The following MARCHF1 variants were observed in gnomAD, a reference collection of about 807,000 sequenced individuals.
MARCHF1 encodes E3 ubiquitin-protein ligase MARCHF1.
A neutral mutation model predicts 54.2 loss-of-function variants in MARCHF1; 40 were observed. The observed-to-expected ratio is 0.74, with a 90% CI of 0.57 to 0.96. MARCHF1 has a LOEUF of 0.96. Ranked by LOEUF, MARCHF1 falls within the 40% of genes least tolerant of loss-of-function variation. The pLI is 0.00. For synonymous variants in MARCHF1, 236 were observed against 236.3 expected, an observed-to-expected ratio of 1.00 and a Z score of 0.01; for missense variants, 586 against 656.5, an observed-to-expected ratio of 0.89 and a Z score of 1.17.
intron 2 of MARCHF1, among the ~76,000 whole-genome samples, chr4:164,024,154 T>A (rs888053884): frequency 6.6e-6 from 1 of 152,128 alleles, no homozygotes; most frequent in African/African-American, 2.4e-5. Flanking sequence ...AGCAACTTTT[T>A]AAATATTTTG....
At chr4:163,695,244 T>A (rs1744583276) in intron 5 of MARCHF1, among the ~76,000 whole-genome samples, 3 of 152,144 alleles carry the variant, frequency 2.0e-5, no homozygotes, top group African/African-American at 7.2e-5. Flanking sequence ...CTTTGGGATC[T>A]TAAAGGCAAG....
chr4:163,785,326 T>C lies in MARCHF1; in HGVS notation c.111+68695A>G, dbSNP rs553577267. 2.0e-5 allele frequency among the ~76,000 whole-genome samples: 3 copies of C among 152,270 alleles called. No individual in the cohort carries two copies. In the East Asian group the frequency reaches 5.8e-4, roughly 29 times the overall value. On this transcript the variant is annotated intron_variant, in intron 4 of 9. Coordinates refer to ENST00000514618, the MANE Select transcript of MARCHF1 (RefSeq NM_001394959.1). ...TTTTCTCCATTGTTTTTCATACCAA[T>C]GTCCACAGTTCACTCATCCATTTGT...
chr4:164,219,426 G>A (rs1345551362), intron 1 of MARCHF1, among the ~76,000 whole-genome samples: 1 of 152,034 alleles, frequency 6.6e-6, no homozygotes, highest in African/African-American at 2.4e-5. Context: ...TCAAAGTAGT[G>A]ATATATGATA....
intron 4 of MARCHF1, among the ~76,000 whole-genome samples, chr4:163,792,451 TTGC>T (rs1747797410): frequency 6.6e-6 from 1 of 152,134 alleles, no homozygotes; most frequent in Non-Finnish European, 1.5e-5. Flanking sequence ...CAACAAATAC[TTGC>T]TGATCTTCAT....
chr4:163,817,735 A>T (rs892769728), intron 4 of MARCHF1, among the ~76,000 whole-genome samples: 2 of 151,978 alleles, frequency 1.3e-5, no homozygotes, highest in African/African-American at 4.8e-5. Context: ...TTTGAAAGCC[A>T]CTTAAGAAAA....
chr4:164,133,141 G>A (rs2110825535), intron 1 of MARCHF1, among the ~76,000 whole-genome samples: 1 of 152,280 alleles, frequency 6.6e-6, no homozygotes, highest in South Asian at 2.1e-4. Context: ...CAGACAAAAT[G>A]TGGCTCAGTC....
chr4:164,202,733 T>C (rs1482472804), intron 1 of MARCHF1, among the ~76,000 whole-genome samples: 1 of 152,198 alleles, frequency 6.6e-6, no homozygotes, highest in Non-Finnish European at 1.5e-5. Context: ...ATCTACACAA[T>C]GGTAGTCATA....
chr4:163,986,425 C>T (rs375653640), intron 3 of MARCHF1, among the ~76,000 whole-genome samples: 3 of 151,670 alleles, frequency 2.0e-5, no homozygotes, highest in East Asian at 2.0e-4. Context: ...CCACCACACC[C>T]GGCTAATTTT....
chr4:163,649,420 A>G (rs1742883806), intron 5 of MARCHF1, among the ~76,000 whole-genome samples: 1 of 152,032 alleles, frequency 6.6e-6, no homozygotes, highest in Non-Finnish European at 1.5e-5. Flanking sequence ...GGCTATTGGG[A>G]AAAATAATCG....
At chr4:164,257,450 A>G (rs184353465) in intron 1 of MARCHF1, among the ~76,000 whole-genome samples, 1 of 151,534 alleles carries the variant, frequency 6.6e-6, no homozygotes, top group Admixed American at 6.6e-5. Context: ...TAGTATGATA[A>G]ATCGTCAGTT....
chr4:164,063,998 C>G (rs1754674935), intron 2 of MARCHF1, among the ~76,000 whole-genome samples: 1 of 152,150 alleles, frequency 6.6e-6, no homozygotes, highest in South Asian at 2.1e-4. Flanking sequence ...CATGAGTTCT[C>G]TGTTCTGTTC....
At chr4:163,936,868 C>T (rs1020397538) in intron 3 of MARCHF1, among the ~76,000 whole-genome samples, 8 of 152,164 alleles carry the variant, frequency 5.3e-5, no homozygotes, top group Non-Finnish European at 2.9e-5. Flanking sequence ...TCAGGCTCAG[C>T]CTCTCCAAGA....
intron 3 of MARCHF1, 88 bp from the exon 4 acceptor site, chr4:163,854,257 T>A: frequency 9.8e-7 from 1 of 1,021,888 alleles, no homozygotes; most frequent in Non-Finnish European, 1.4e-6. Context: ...ATCAACAATA[T>A]AACAAAACAC....
rs150458467 is a variant in MARCHF1 at position 163,599,297 on chromosome 4, T to TTATATATATATATATATATA, written c.1010+12973_1010+12974insTATATATATATATATATATA. On this transcript the variant is annotated intron_variant, in intron 7 of 9. Coordinates refer to ENST00000514618, the MANE Select transcript of MARCHF1 (RefSeq NM_001394959.1). ...AGAGTGAGACTCCATCTCAAAAAAA[T>TTATATATATATATATATATA]TATATATATATATATGTTTTATTTT... Among the ~76,000 whole-genome samples, 687 of 146,666 alleles carry TTATATATATATATATATATA rather than the reference T, an allele frequency of 4.7e-3. 10 individuals are homozygous for TTATATATATATATATATATA. Among genetic ancestry groups the TTATATATATATATATATATA allele is most frequent in the African/African-American group, 0.017 (657 of 39,424 alleles).
At chr4:163,992,753 TA>T (rs1419039781) in intron 2 of MARCHF1, among the ~76,000 whole-genome samples, 1 of 148,874 alleles carries the variant, frequency 6.7e-6, no homozygotes, top group Non-Finnish European at 1.5e-5. Context: ...TTATAAAATA[TA>T]AAATTACATT....
chr4:163,793,245 G>C (rs796449150), intron 4 of MARCHF1, among the ~76,000 whole-genome samples: 15 of 152,274 alleles, frequency 9.9e-5, no homozygotes, highest in African/African-American at 3.6e-4. Flanking sequence ...ATTCTCTCTA[G>C]TTAGGTAGTA....
intron 1 of MARCHF1, among the ~76,000 whole-genome samples, chr4:164,255,059 A>G (rs539034722): frequency 6.6e-6 from 1 of 152,264 alleles, no homozygotes; most frequent in African/African-American, 2.4e-5. Flanking sequence ...ATGTTATAGA[A>G]CTATACACAT....
chr4:163,758,458 T>C (rs1746740558), intron 4 of MARCHF1, among the ~76,000 whole-genome samples: 1 of 152,016 alleles, frequency 6.6e-6, no homozygotes, highest in Non-Finnish European at 1.5e-5. Context: ...GATATTTTAT[T>C]TAAAAAGGGG....
At chr4:164,349,464 T>C (rs967846111) in intron 1 of MARCHF1, among the ~76,000 whole-genome samples, 6 of 152,206 alleles carry the variant, frequency 3.9e-5, no homozygotes, top group Admixed American at 1.3e-4. Context: ...CATTCAGAAC[T>C]ATCAATCTTT....
Sources: gnomAD v4.1 joint callset for allele counts (sites outside exome capture counted in the v4.1 genomes callset) on GRCh38, gnomAD v4.1.1 for gene constraint, MANE v1.5 for transcripts, NCBI Gene and HGNC (gene_info 2026-07-23, HGNC 2026-07-21) for gene names.